MACROD2: variants seen among roughly 807,000 people sequenced by gnomAD.
MACROD2 encodes mono-ADP ribosylhydrolase 2.
A neutral mutation model predicts 70.4 loss-of-function variants in MACROD2; 36 were observed. The ratio of observed to expected loss-of-function variants is 0.51; its 90% CI spans 0.39 to 0.68. MACROD2 has a LOEUF of 0.68. MACROD2 is among the 30% of genes least tolerant of loss of function. The probability of loss-of-function intolerance (pLI) is 0.00; values close to 1 mark genes in which losing one functional copy is unlikely to be tolerated. For missense variants in MACROD2, 496 were observed against 538.4 expected (o/e 0.92, Z 0.78); for synonymous variants, 172 against 178.8 (o/e 0.96, Z 0.30).
chr20:15,457,677 C>A (rs923317749), intron 7 of MACROD2, among the ~76,000 whole-genome samples: 3 of 152,150 alleles, frequency 2.0e-5, no homozygotes, highest in African/African-American at 7.2e-5. Flanking sequence ...AAATCATCCC[C>A]TTTAGTTACT....
At chr20:14,642,510 A>C (rs1475768922) in intron 4 of MACROD2, among the ~76,000 whole-genome samples, 2 of 152,084 alleles carry the variant, frequency 1.3e-5, no homozygotes, top group Non-Finnish European at 2.9e-5. Flanking sequence ...ACTAGGCTTA[A>C]TTATTTCTAA....
chr20:14,993,296 A>G (rs2074921720), intron 5 of MACROD2, among the ~76,000 whole-genome samples: 1 of 150,638 alleles, frequency 6.6e-6, no homozygotes, highest in African/African-American at 2.4e-5. Context: ...GGAAAATTGT[A>G]TGAGGGAGGG....
chr20:15,859,381 T>C (rs1025654158), intron 8 of MACROD2, among the ~76,000 whole-genome samples: 4 of 152,174 alleles, frequency 2.6e-5, no homozygotes, highest in Non-Finnish European at 5.9e-5. Flanking sequence ...GGAATAACTG[T>C]AGATCCCATT....
At chr20:14,047,965 A>G (rs945280508) in intron 2 of MACROD2, among the ~76,000 whole-genome samples, 1 of 152,128 alleles carries the variant, frequency 6.6e-6, no homozygotes, top group Non-Finnish European at 1.5e-5. Flanking sequence ...CCAGATAAAC[A>G]GCAGGCGTAC....
At chr20:15,083,596 A>AT (rs11477503) in intron 5 of MACROD2, among the ~76,000 whole-genome samples, 2,002 of 148,540 alleles carry the variant, frequency 0.013, 28 homozygotes, top group South Asian at 0.029. Flanking sequence ...ATCAACAATA[A>AT]TTTTTTTTTT....
At chr20:15,758,086 T>C (rs751183966) in intron 8 of MACROD2, among the ~76,000 whole-genome samples, 6 of 152,022 alleles carry the variant, frequency 3.9e-5, no homozygotes, top group Non-Finnish European at 7.3e-5. Context: ...TTTCTTAGGA[T>C]AGACAGTTGC....
chr20:15,761,652 G>T (rs568051708), intron 8 of MACROD2, among the ~76,000 whole-genome samples: 11 of 152,208 alleles, frequency 7.2e-5, no homozygotes, highest in African/African-American at 1.2e-4. Flanking sequence ...AGGAGACAGG[G>T]TTGGGGCTAT....
At chr20:15,170,627 T>C (rs950178033) in intron 5 of MACROD2, among the ~76,000 whole-genome samples, 2 of 152,064 alleles carry the variant, frequency 1.3e-5, no homozygotes, top group Non-Finnish European at 2.9e-5. Flanking sequence ...GCTGCACCAA[T>C]TCATCCTCAG....
chr20:15,737,930 TG>T (rs1404915972), intron 8 of MACROD2, among the ~76,000 whole-genome samples: 2 of 151,902 alleles, frequency 1.3e-5, no homozygotes, highest in African/African-American at 4.8e-5. Context: ...GAATGGCGGA[TG>T]GATGGATGAA....
chr20:15,219,423 G>T (rs974350627), intron 5 of MACROD2, among the ~76,000 whole-genome samples: 1 of 152,072 alleles, frequency 6.6e-6, no homozygotes, highest in Admixed American at 6.5e-5. Flanking sequence ...TAAATAAATT[G>T]CCCTTATTAT....
intron 5 of MACROD2, among the ~76,000 whole-genome samples, chr20:15,071,835 G>C (rs2075621357): frequency 6.6e-6 from 1 of 151,998 alleles, no homozygotes; most frequent in South Asian, 2.1e-4. Flanking sequence ...TAATTTTTAG[G>C]CTCCATAAAA....
chr20:14,219,530 A>G (rs1243076811), intron 3 of MACROD2, among the ~76,000 whole-genome samples: 1 of 152,126 alleles, frequency 6.6e-6, no homozygotes, highest in African/African-American at 2.4e-5. Flanking sequence ...TTATTTTTCG[A>G]GTAAAGCAGG....
At chr20:15,662,402 T>C (rs1290570077) in intron 8 of MACROD2, among the ~76,000 whole-genome samples, 2 of 152,170 alleles carry the variant, frequency 1.3e-5, no homozygotes, top group African/African-American at 4.8e-5. Flanking sequence ...CTTTGCATCC[T>C]TGGTGCTTAG....
intron 5 of MACROD2, among the ~76,000 whole-genome samples, chr20:15,126,809 G>A (rs1000474976): frequency 6.6e-6 from 1 of 152,042 alleles, no homozygotes; most frequent in Non-Finnish European, 1.5e-5. Context: ...TGGGACTTCT[G>A]TGAATTAACT....
chr20:15,643,208 T>C (rs1397964158), intron 8 of MACROD2, among the ~76,000 whole-genome samples: 3 of 152,170 alleles, frequency 2.0e-5, no homozygotes, highest in Non-Finnish European at 4.4e-5. Flanking sequence ...TACATGTTAA[T>C]CTCACCTTCT....
chr20:14,708,166 T>G (rs757972578), intron 5 of MACROD2, among the ~76,000 whole-genome samples: 1 of 152,232 alleles, frequency 6.6e-6, no homozygotes, highest in Non-Finnish European at 1.5e-5. Context: ...CTGTTAACAT[T>G]AACTAGTAAT....
At position 15,645,253 on chromosome 20, in the gene MACROD2, G is replaced by C. The variant is rs577175582; in HGVS notation, c.645+145406G>C. Among the ~76,000 whole-genome samples the C allele has an allele frequency of 3.3e-5, 5 of 152,270 alleles. No homozygotes were observed. The South Asian group carries it at 1.0e-3, about 32-fold the overall frequency. On this transcript the variant is annotated intron_variant, in intron 8 of 17. Coordinates refer to ENST00000684519, the MANE Select transcript of MACROD2 (RefSeq NM_001351661.2). ...ACAGTCAATGACCCAGAGGCAAGAG[G>C]GTCCCCATATCATCACAGAGCCCTG...
chr20:14,539,271 C>T (rs2085402970), intron 4 of MACROD2, among the ~76,000 whole-genome samples: 1 of 152,088 alleles, frequency 6.6e-6, no homozygotes, highest in African/African-American at 2.4e-5. Flanking sequence ...CAGTTGTTTC[C>T]TGAAGCAGTT....
At chr20:14,112,895 T>C (rs533103629) in intron 3 of MACROD2, among the ~76,000 whole-genome samples, 103 of 152,116 alleles carry the variant, frequency 6.8e-4, no homozygotes, top group Non-Finnish European at 1.2e-3. Flanking sequence ...TATACAACTT[T>C]AGGAGTTTCA....
Sources: allele counts gnomAD v4.1 joint callset (sites outside exome capture counted in the v4.1 genomes callset), GRCh38; gene constraint gnomAD v4.1.1; transcripts MANE v1.5; gene names NCBI Gene and HGNC (gene_info 2026-07-23, HGNC 2026-07-21).